EIF2AK3: variants seen among roughly 807,000 people sequenced by gnomAD.
EIF2AK3 encodes eukaryotic translation initiation factor 2-alpha kinase 3.
EIF2AK3 carries 50 observed loss-of-function variants against 113.5 expected under a neutral mutation model. That is an observed-to-expected ratio of 0.44 (90% CI 0.35 to 0.56). The LOEUF is 0.56. EIF2AK3 is among the 20% of genes least tolerant of loss of function. The probability of loss-of-function intolerance (pLI) is 0.00; values close to 1 mark genes in which losing one functional copy is unlikely to be tolerated. For missense variants in EIF2AK3, 1,185 were observed against 1,378.0 expected, an observed-to-expected ratio of 0.86 and a Z score of 2.22; for synonymous variants, 448 against 495.4, an observed-to-expected ratio of 0.90 and a Z score of 1.27.
At chr2:88,593,561 A>G (rs1256887980) in intron 3 of EIF2AK3, among the ~76,000 whole-genome samples, 156 bp from the exon 4 acceptor site, 4 of 152,200 alleles carry the variant, frequency 2.6e-5, no homozygotes, top group African/African-American at 2.4e-5. Flanking sequence ...TAGATTACCA[A>G]CTCCTAAAAT....
chr2:88,574,839 C>A lies in EIF2AK3; in HGVS notation c.2644G>T (p.Val882Leu), dbSNP rs1397688884. 6 of 1,614,024 alleles carry A rather than the reference C, an allele frequency of 3.7e-6. No individual in the cohort carries two copies. Among genetic ancestry groups the A allele is most frequent in the Non-Finnish European group, 4.2e-6 (5 of 1,180,032 alleles). The change falls in exon 13 of 17, where the codon GTG becomes TTG. Residue 882 changes from valine (V) to leucine (L), a missense_variant. By Grantham distance (32) the Val-to-Leu change is conservative (BLOSUM62 1). This residue lies in a region of EIF2AK3 where 877 missense variants were observed against 1,024.2 expected (regional missense o/e 0.86). Transcript: ENST00000303236. ...TEKLQPSSPK[V>L]YLYIQMQLCR... ...AGCTGCATTTGAATGTAAAGATACACCTTTGGTGAACTGGGCTGGAGTTTT... is the reference window on the plus strand; with the variant it reads ...AGCTGCATTTGAATGTAAAGATACAACTTTGGTGAACTGGGCTGGAGTTTT...
chr2:88,615,326 T>C (rs1293954183), intron 1 of EIF2AK3, among the ~76,000 whole-genome samples: 1 of 152,222 alleles, frequency 6.6e-6, no homozygotes, highest in African/African-American at 2.4e-5. Context: ...ACTAGAATAT[T>C]CCCATCAGCA....
intron 6 of EIF2AK3, 34 bp from the exon 7 acceptor site, chr2:88,588,935 G>T: frequency 6.2e-7 from 1 of 1,609,082 alleles, no homozygotes; most frequent in South Asian, 1.1e-5. Flanking sequence ...ATTATGCATT[G>T]ATTTTTTTAA....
At chr2:88,613,900 T>C (rs773527331) in intron 1 of EIF2AK3, 47 bp from the exon 2 acceptor site, 4 of 1,545,456 alleles carry the variant, frequency 2.6e-6, no homozygotes, top group Non-Finnish European at 3.5e-6. Context: ...ATCTAAGATA[T>C]TGGGCACTTA....
chr2:88,627,105 G>C lies in EIF2AK3; in HGVS notation c.170C>G (p.Thr57Arg), dbSNP rs773937986. The part of the protein sequence containing the change: ...LGAAAAPTSA[T>R]RVPAAGAVAA... ...CACGGCGCCCGCCGCCGGTACTCGC[G>C]TCGCTGAGGTGGGAGCAGCGGCCGC... Residue 57 changes from threonine to arginine, a missense_variant, in exon 1 of 17, where the codon ACG (threonine) becomes AGG (arginine). Physicochemically the swap from Thr to Arg is moderately conservative, Grantham distance 71. Transcript: ENST00000303236. The C allele has an allele frequency of 6.5e-7, 1 of 1,537,088 alleles. No individual in the cohort carries two copies. Among genetic ancestry groups the C allele is most frequent in the Admixed American group, 1.9e-5 (1 of 51,604 alleles).
chr2:88,575,611 C>A, intron 12 of EIF2AK3, 165 bp from the exon 13 acceptor site: 1 of 734,492 alleles, frequency 1.4e-6, no homozygotes, highest in Admixed American at 2.2e-5. Context: ...AGATACAGAA[C>A]ATCACATTCC....
Position 88,570,988 on chromosome 2 carries a change from C to T in EIF2AK3, c.2871G>A (p.Gly957=). 6.2e-7 allele frequency: 1 copy of T among 1,614,102 alleles called. No individual in the cohort carries two copies. Among genetic ancestry groups the T allele is most frequent in the Non-Finnish European group, 8.5e-7 (1 of 1,180,032 alleles). The change falls in exon 14 of 17, where the codon GGG becomes GGA. Residue 957 remains glycine (G), a synonymous_variant. Transcript: ENST00000303236. ...CATCCTGGTCCATTGCAGTCACTAA[C>T]CCAAAGTCTCCAACCTTGACCACAT... ...MDDVVKVGDF[G]LVTAMDQDEE... is the part of the protein sequence containing the mutation.
At position 88,627,133 on chromosome 2, in the gene EIF2AK3, C is replaced by T; in HGVS notation, c.142G>A (p.Gly48Arg). The change falls in exon 1 of 17, where the codon GGG becomes AGG. Residue 48 changes from glycine to arginine, a missense_variant. By Grantham distance (125) the Gly-to-Arg change is moderately radical (BLOSUM62 -2). Coordinates refer to ENST00000303236, the MANE Select transcript of EIF2AK3 (RefSeq NM_004836.7). ...APTAEAAFGL[G>R]AAAAPTSATR... is the part of the protein sequence containing the mutation. ...GCTGAGGTGGGAGCAGCGGCCGCCC[C>T]GAGGCCGAACGCCGCCTCCGCCGTC... The T allele has an allele frequency of 3.4e-6, 5 of 1,460,172 alleles. No individual in the cohort carries two copies. The highest frequency in any genetic ancestry group is 4.5e-6 in the Non-Finnish European group (5 of 1,113,868). 90.5% of individuals were successfully genotyped at this position (1,460,172 alleles called of 1,614,324 possible).
chr2:88,591,111 A>C, intron 4 of EIF2AK3, 59 bp from the exon 5 acceptor site: 3 of 1,429,498 alleles, frequency 2.1e-6, no homozygotes, highest in Non-Finnish European at 3.0e-6. Context: ...ACAAAATAAT[A>C]TAGAACTCTT....
rs1053103909 is a variant in EIF2AK3 at position 88,626,993 on chromosome 2, A to T, written c.282T>A (p.Asp94Glu). The change falls in exon 1 of 17, where the codon GAT becomes GAA. Residue 94 changes from aspartate to glutamate, a missense_variant. Physicochemically the swap from Asp to Glu is conservative, Grantham distance 45 (BLOSUM62 2). Coordinates refer to ENST00000303236, the MANE Select transcript of EIF2AK3 (RefSeq NM_004836.7). ...EQEPRGPEPDDETELRPRGRS... is the reference protein window; with the variant it reads ...EQEPRGPEPDEETELRPRGRS... ...TGCCGCGCGGTCGCAACTCTGTCTC[A>T]TCGTCTGGTTCCGGACCCCGAGGCT... is the stretch of plus-strand genomic sequence containing the variant. 8 of 1,609,262 alleles carry T rather than the reference A, an allele frequency of 5.0e-6. No homozygotes were observed. The East Asian group carries it at 1.3e-4, about 27-fold the overall frequency.
chr2:88,609,343 T>C (rs1675373363), intron 2 of EIF2AK3, among the ~76,000 whole-genome samples: 3 of 152,228 alleles, frequency 2.0e-5, no homozygotes, highest in Admixed American at 2.0e-4. Context: ...AAGGTTGCTA[T>C]TTGCCCTGAA....
At chr2:88,588,631 C>A in intron 7 of EIF2AK3, 130 bp downstream of exon 7, 1 of 925,086 alleles carries the variant, frequency 1.1e-6, no homozygotes, top group Non-Finnish European at 1.6e-6. Context: ...GAAATACCAT[C>A]ATGGTTTATC....
intron 8 of EIF2AK3, among the ~76,000 whole-genome samples, chr2:88,587,773 G>A (rs1674775798): frequency 6.6e-6 from 1 of 152,040 alleles, no homozygotes; most frequent in South Asian, 2.1e-4. Flanking sequence ...TGAGACACAG[G>A]GGAGTTAGAT....
intron 14 of EIF2AK3, among the ~76,000 whole-genome samples, chr2:88,569,835 C>T (rs1018175837): frequency 6.6e-6 from 1 of 152,180 alleles, no homozygotes; most frequent in South Asian, 2.1e-4. Flanking sequence ...TCTACAATTA[C>T]TTGAAATGAA....
chr2:88,574,332 C>A (rs1011867341), intron 13 of EIF2AK3, among the ~76,000 whole-genome samples: 2 of 152,072 alleles, frequency 1.3e-5, no homozygotes, highest in African/African-American at 4.8e-5. Flanking sequence ...AACAAACAAA[C>A]AAAAAAACAG....
chr2:88,595,250 A>G (rs1291366247), intron 3 of EIF2AK3, among the ~76,000 whole-genome samples: 2 of 150,044 alleles, frequency 1.3e-5, no homozygotes, highest in Non-Finnish European at 1.5e-5. Flanking sequence ...ACAGTAGACC[A>G]TATTTATGAA....
chr2:88,596,469 C>T (rs1447956946), intron 2 of EIF2AK3, among the ~76,000 whole-genome samples: 1 of 151,760 alleles, frequency 6.6e-6, no homozygotes, highest in Non-Finnish European at 1.5e-5. Context: ...GTGATAAATG[C>T]CGTTAAAAAA....
At chr2:88,558,076 C>A in intron 16 of EIF2AK3, 140 bp from the exon 17 acceptor site, 1 of 772,864 alleles carries the variant, frequency 1.3e-6, no homozygotes. Context: ...TCTGATACAA[C>A]TACTCAGCTC....
intron 1 of EIF2AK3, among the ~76,000 whole-genome samples, chr2:88,625,104 T>C (rs11684404): frequency 0.29 from 43,786 of 152,098 alleles, 7,481 homozygotes; most frequent in East Asian, 0.51. Flanking sequence ...AAAATGCAGA[T>C]ACTCTCATTC....
Sources: allele counts gnomAD v4.1 joint callset (sites outside exome capture counted in the v4.1 genomes callset), GRCh38; gene constraint gnomAD v4.1.1; regional missense constraint gnomAD v4.1.1; transcripts MANE v1.5; gene names NCBI Gene and HGNC (gene_info 2026-07-23, HGNC 2026-07-21).